NTNG1: variants seen among roughly 807,000 people sequenced by gnomAD.
NTNG1 encodes netrin G1.
A neutral mutation model predicts 54.0 loss-of-function variants in NTNG1; 16 were observed. The observed-to-expected ratio is 0.30, with a 90% CI of 0.20 to 0.45. The LOEUF (loss-of-function observed/expected upper bound fraction) is 0.45, where lower values mean the gene tolerates loss of function less well. Among genes scored for constraint, NTNG1 ranks in the 20% least tolerant of loss-of-function variants. The pLI is 1.00. For synonymous variants in NTNG1, 255 were observed against 263.1 expected (o/e 0.97, Z 0.30); for missense variants, 530 against 678.7 (o/e 0.78, Z 2.43).
intron 2 of NTNG1, among the ~76,000 whole-genome samples, chr1:107,317,489 C>A (rs1667398356): frequency 6.6e-6 from 1 of 152,124 alleles, no homozygotes; most frequent in Non-Finnish European, 1.5e-5. Context: ...GTATTTATTT[C>A]TTGTCCAGTA....
chr1:107,392,150 T>C (rs930720366), intron 3 of NTNG1, among the ~76,000 whole-genome samples: 7 of 152,078 alleles, frequency 4.6e-5, no homozygotes, highest in South Asian at 2.1e-4. Context: ...GAGAGAGATC[T>C]GAGATGGAGA....
At chr1:107,409,084 C>T (rs1000956934) in intron 5 of NTNG1, 3 of 152,152 alleles carry the variant, frequency 2.0e-5, no homozygotes, top group Admixed American at 1.3e-4. Context: ...ACAGCATCCT[C>T]TTTGTGATCT....
chr1:107,301,365 G>A (rs890849779), intron 2 of NTNG1, among the ~76,000 whole-genome samples: 6 of 152,050 alleles, frequency 3.9e-5, no homozygotes, highest in African/African-American at 7.2e-5. Flanking sequence ...ACAAACAGAG[G>A]AGGAATGTGG....
At chr1:107,311,169 A>G (rs79108522) in intron 2 of NTNG1, among the ~76,000 whole-genome samples, 9,761 of 152,218 alleles carry the variant, frequency 0.064, 472 homozygotes, top group African/African-American at 0.13. Flanking sequence ...ATGCATGACC[A>G]TTGTAAATTT....
intron 3 of NTNG1, among the ~76,000 whole-genome samples, chr1:107,378,919 G>C (rs1024773354): frequency 3.3e-5 from 5 of 152,256 alleles, no homozygotes; most frequent in South Asian, 2.1e-4. Flanking sequence ...TGTCAACCTT[G>C]TATCTTACTC....
intron 2 of NTNG1, among the ~76,000 whole-genome samples, chr1:107,223,560 G>T (rs1051907635): frequency 1.3e-5 from 2 of 152,114 alleles, no homozygotes; most frequent in Non-Finnish European, 2.9e-5. Context: ...GTATAAATCA[G>T]AATGACACTA....
chr1:107,419,607 T>G (rs17530839), intron 5 of NTNG1, among the ~76,000 whole-genome samples: 64,034 of 141,584 alleles, frequency 0.45, 14,936 homozygotes, highest in Non-Finnish European at 0.54. Flanking sequence ...TGTATTATTT[T>G]GCCTTCTTCC....
intron 3 of NTNG1, among the ~76,000 whole-genome samples, chr1:107,329,816 T>C (rs908009312): frequency 3.3e-5 from 5 of 150,334 alleles, no homozygotes; most frequent in African/African-American, 1.3e-4. Context: ...CTGGCTTTGA[T>C]GGTAGACAGA....
intron 3 of NTNG1, among the ~76,000 whole-genome samples, chr1:107,340,809 C>A (rs755685347): frequency 2.2e-4 from 33 of 152,016 alleles, no homozygotes; most frequent in Non-Finnish European, 4.3e-4. Context: ...ACTTGATAGA[C>A]TTTAGAAAAA....
intron 2 of NTNG1, among the ~76,000 whole-genome samples, chr1:107,276,121 G>A (rs991378338): frequency 2.0e-5 from 3 of 152,112 alleles, no homozygotes; most frequent in Non-Finnish European, 4.4e-5. Context: ...TGCTTCCTAT[G>A]TACATCACAG....
At chr1:107,333,862 T>C (rs1417873053) in intron 3 of NTNG1, 1 of 151,436 alleles carries the variant, frequency 6.6e-6, no homozygotes, top group Non-Finnish European at 1.5e-5. Context: ...TTTTTGAACC[T>C]TGGAGTACTA....
At chr1:107,170,246 A>G (rs1656119887) in intron 2 of NTNG1, among the ~76,000 whole-genome samples, 1 of 152,180 alleles carries the variant, frequency 6.6e-6, no homozygotes, top group Non-Finnish European at 1.5e-5. Flanking sequence ...TTCTTACGTA[A>G]AAATAACTTA....
Position 107,207,299 on chromosome 1 carries a change from A to G in NTNG1, c.246+58460A>G, listed in dbSNP as rs113211244. Among the ~76,000 whole-genome samples the G allele has an allele frequency of 3.9e-5, 6 of 152,216 alleles. No individual in the cohort carries two copies. In the East Asian group the frequency reaches 5.8e-4, roughly 15 times the overall value. On this transcript the variant is annotated intron_variant, in intron 2 of 7. Transcript: ENST00000370068. ...TTCATTTTGCCTCAAACACTTTCCT[A>G]TTTTCCTCCCATAACTGTGAAAAAC...
intron 7 of NTNG1, among the ~76,000 whole-genome samples, chr1:107,442,722 C>G (rs1676042463): frequency 6.6e-6 from 1 of 152,142 alleles, no homozygotes; most frequent in Non-Finnish European, 1.5e-5. Context: ...CAGCCCACAT[C>G]AAGGGGCCAG....
At chr1:107,388,551 G>C (rs1330429223) in intron 3 of NTNG1, among the ~76,000 whole-genome samples, 1 of 152,162 alleles carries the variant, frequency 6.6e-6, no homozygotes, top group Admixed American at 6.6e-5. Context: ...TTGTGAGCTT[G>C]GTATGAAACA....
intron 3 of NTNG1, among the ~76,000 whole-genome samples, chr1:107,328,637 A>G (rs1238783187): frequency 5.9e-5 from 9 of 152,142 alleles, no homozygotes; most frequent in Admixed American, 4.6e-4. Context: ...GGAAGCTTTG[A>G]TTTTTAAGTA....
intron 2 of NTNG1, among the ~76,000 whole-genome samples, chr1:107,150,756 A>T (rs1646438613): frequency 6.6e-6 from 1 of 152,188 alleles, no homozygotes; most frequent in African/African-American, 2.4e-5. Flanking sequence ...TGGTGTCTTC[A>T]GCATGCCTCT....
chr1:107,280,541 T>C (rs913581592), intron 2 of NTNG1, among the ~76,000 whole-genome samples: 4 of 151,956 alleles, frequency 2.6e-5, no homozygotes, highest in Non-Finnish European at 5.9e-5. Context: ...CTTCCTCCAA[T>C]ATCTCATGAT....
intron 3 of NTNG1, among the ~76,000 whole-genome samples, chr1:107,387,077 C>T (rs1359826170): frequency 6.6e-6 from 1 of 152,122 alleles, no homozygotes; most frequent in Non-Finnish European, 1.5e-5. Context: ...GATTCTTCAC[C>T]CATTTTCTAA....
Sources: gnomAD v4.1 joint callset for allele counts (sites outside exome capture counted in the v4.1 genomes callset) on GRCh38, gnomAD v4.1.1 for gene constraint, MANE v1.5 for transcripts, NCBI Gene and HGNC (gene_info 2026-07-23, HGNC 2026-07-21) for gene names.